Variants in ZYG11B observed in about 807,000 individuals in gnomAD.
The protein encoded by ZYG11B is protein zyg-11 homolog B.
In ZYG11B, 36 loss-of-function variants were observed where a neutral mutation model predicts 82.4. That is an observed-to-expected ratio of 0.44 (90% confidence interval 0.33 to 0.58). The LOEUF is 0.58. ZYG11B is among the 20% of genes least tolerant of loss of function. The probability of loss-of-function intolerance (pLI) is 0.02; values close to 1 mark genes in which losing one functional copy is unlikely to be tolerated. For synonymous variants in ZYG11B, 303 were observed against 312.8 expected (o/e 0.97, Z 0.33); for missense variants, 552 against 895.6 (o/e 0.62, Z 4.90).
intron 1 of ZYG11B, chr1:52,754,386 T>A (rs1300661970): frequency 6.6e-6 from 1 of 152,022 alleles, no homozygotes; most frequent in Non-Finnish European, 1.5e-5. Context: ...TATTTTACAT[T>A]TATTTATTTT....
chr1:52,812,563 C>T (rs993943603), intron 10 of ZYG11B, among the ~76,000 whole-genome samples: 1 of 151,380 alleles, frequency 6.6e-6, no homozygotes, highest in African/African-American at 2.4e-5. Context: ...ACACCACGCC[C>T]AGCTAATTTT....
intron 1 of ZYG11B, among the ~76,000 whole-genome samples, chr1:52,731,849 C>CAG (rs1361996254): frequency 2.0e-5 from 3 of 152,318 alleles, no homozygotes; most frequent in African/African-American, 7.2e-5. Context: ...GTCACCCAGG[C>CAG]TGGAGTTCAG....
chr1:52,793,894 T>TCCTTCCTTCCTTCCTTCCTC (rs747054602), intron 6 of ZYG11B, among the ~76,000 whole-genome samples: 1 of 148,688 alleles, frequency 6.7e-6, no homozygotes, highest in African/African-American at 2.6e-5. Context: ...CTTCCTTCCT[T>TCCTTCCTTCCTTCCTTCCTC]CCTTCCTTTC....
intron 1 of ZYG11B, among the ~76,000 whole-genome samples, chr1:52,750,932 A>C (rs1241035283): frequency 6.6e-6 from 1 of 152,160 alleles, no homozygotes; most frequent in Non-Finnish European, 1.5e-5. Context: ...CATGTTGTAC[A>C]GTACATCAGC....
At chr1:52,817,027 C>A (rs993127324) in intron 13 of ZYG11B, among the ~76,000 whole-genome samples, 4 of 152,052 alleles carry the variant, frequency 2.6e-5, no homozygotes, top group South Asian at 4.2e-4. Flanking sequence ...GTCTCAAACT[C>A]CTGACCTCAG....
At chr1:52,727,168 A>G (rs1261487709) in intron 1 of ZYG11B, among the ~76,000 whole-genome samples, 1 of 147,088 alleles carries the variant, frequency 6.8e-6, no homozygotes, top group Non-Finnish European at 1.5e-5. Context: ...TCTTCCATCC[A>G]CGTTTCCTCT....
chr1:52,818,530 G>A (rs1206014410), intron 13 of ZYG11B, among the ~76,000 whole-genome samples: 4 of 151,972 alleles, frequency 2.6e-5, no homozygotes, highest in African/African-American at 9.7e-5. Flanking sequence ...TAGACTTGTA[G>A]GCCATGCATA....
At chr1:52,731,499 T>C (rs147983960) in intron 1 of ZYG11B, among the ~76,000 whole-genome samples, 1 of 152,252 alleles carries the variant, frequency 6.6e-6, no homozygotes, top group African/African-American at 2.4e-5. Context: ...TTTCTTACTG[T>C]AATTATTTGA....
chr1:52,795,083 C>T (rs563131434), intron 6 of ZYG11B, among the ~76,000 whole-genome samples: 1 of 152,268 alleles, frequency 6.6e-6, no homozygotes, highest in African/African-American at 2.4e-5. Flanking sequence ...TGTGACGCCA[C>T]CCAAATCTCA....
At chr1:52,731,178 CAGG>C (rs1558113805) in intron 1 of ZYG11B, among the ~76,000 whole-genome samples, 1 of 150,888 alleles carries the variant, frequency 6.6e-6, no homozygotes, top group Non-Finnish European at 1.5e-5. Flanking sequence ...GAGGCTGAGG[CAGG>C]AGAATTGCTT....
At chr1:52,747,780 G>A (rs1354965764) in intron 1 of ZYG11B, among the ~76,000 whole-genome samples, 4 of 152,170 alleles carry the variant, frequency 2.6e-5, no homozygotes, top group African/African-American at 4.8e-5. Flanking sequence ...GGCAGTGTAT[G>A]TAGTGGTAAA....
In ZYG11B at chr1:52,771,762, A is replaced by G. The variant is rs1434908072; in HGVS notation, c.939A>G (p.Glu313=). 1.2e-6 allele frequency: 2 copies of G among 1,608,716 alleles called. No individual in the cohort carries two copies. Among genetic ancestry groups the G allele is most frequent in the African/African-American group, 2.7e-5 (2 of 74,722 alleles). The change falls in exon 3 of 14, where the codon GAA becomes GAG. Residue 313 remains glutamate (E), a synonymous_variant. Coordinates refer to ENST00000294353, the MANE Select transcript of ZYG11B (RefSeq NM_024646.3). The surrounding 1 kb of genome is among the most constrained non-coding windows in gnomAD (Gnocchi z 5.4). The part of the protein sequence containing the change: ...DAGYSEFLTG[E]GHLKVSGEAN... ...GTTACTCTGAATTCCTCACAGGCGA[A>G]GGACATTTGAAGGTTAGACTTTAAA...
intron 13 of ZYG11B, among the ~76,000 whole-genome samples, chr1:52,819,785 G>GAA (rs199588657): frequency 1.5e-5 from 2 of 129,256 alleles, no homozygotes; most frequent in Non-Finnish European, 1.6e-5. Context: ...GACTCTGTCT[G>GAA]AAAAAAAAAT....
chr1:52,761,205 C>T (rs1644627498), intron 2 of ZYG11B, among the ~76,000 whole-genome samples: 1 of 152,150 alleles, frequency 6.6e-6, no homozygotes, highest in Non-Finnish European at 1.5e-5. Context: ...GAAATATTCA[C>T]TATCATCCTT....
chr1:52,795,608 A>G (rs1645000380), intron 6 of ZYG11B, among the ~76,000 whole-genome samples: 1 of 152,096 alleles, frequency 6.6e-6, no homozygotes, highest in Non-Finnish European at 1.5e-5. Flanking sequence ...TCTGCCTGGA[A>G]TGCTTGTCCC....
At chr1:52,743,402 T>TA (rs71044414) in intron 1 of ZYG11B, among the ~76,000 whole-genome samples, 18,053 of 69,036 alleles carry the variant, frequency 0.26, 2,421 homozygotes, top group Admixed American at 0.37. Flanking sequence ...CAATAAATAC[T>TA]AAAAAAAAAA....
chr1:52,751,735 A>G (rs2149926977), intron 1 of ZYG11B, among the ~76,000 whole-genome samples: 1 of 152,280 alleles, frequency 6.6e-6, no homozygotes, highest in East Asian at 1.9e-4. Flanking sequence ...GAGTTTTTGT[A>G]TGCTAATGAG....
intron 5 of ZYG11B, 139 bp downstream of exon 5, chr1:52,785,192 A>C: frequency 2.2e-6 from 2 of 906,490 alleles, no homozygotes; most frequent in Non-Finnish European, 3.3e-6. Flanking sequence ...GAAAACAGAG[A>C]AGTGGACACC....
At chr1:52,768,895 A>G (rs1644722797) in intron 2 of ZYG11B, among the ~76,000 whole-genome samples, 1 of 152,144 alleles carries the variant, frequency 6.6e-6, no homozygotes, top group Admixed American at 6.6e-5. Flanking sequence ...CACCTGGCCT[A>G]CTAACCTCCT....
Sources: allele counts gnomAD v4.1 joint callset (sites outside exome capture counted in the v4.1 genomes callset), GRCh38; gene constraint gnomAD v4.1.1; non-coding constraint Gnocchi (gnomAD v3.1); transcripts MANE v1.5; gene names NCBI Gene and HGNC (gene_info 2026-07-23, HGNC 2026-07-21).